DOCK1: variants seen among roughly 807,000 people sequenced by gnomAD.
DOCK1 encodes the protein dedicator of cytokinesis 1, also known as dedicator of cytokinesis protein 1.
DOCK1 carries 138 observed loss-of-function variants against 262.7 expected under a neutral mutation model. The ratio of observed to expected loss-of-function variants is 0.53; its 90% CI spans 0.46 to 0.61. The LOEUF (loss-of-function observed/expected upper bound fraction) is 0.61. Ranked by LOEUF, DOCK1 falls within the 20% of genes least tolerant of loss-of-function variation. The pLI is 0.00. For synonymous variants in DOCK1, 866 were observed against 867.4 expected (o/e 1.00, Z 0.03); for missense variants, 1,908 against 2,370.7 (o/e 0.80, Z 4.05).
At chr10:127,336,910 G>A (rs548874015) in intron 29 of DOCK1, among the ~76,000 whole-genome samples, 12 of 152,084 alleles carry the variant, frequency 7.9e-5, no homozygotes, top group East Asian at 5.8e-4. Flanking sequence ...AGCTTAATTC[G>A]AAGCAGCATA....
At chr10:127,091,317 C>T (rs960394448) in intron 23 of DOCK1, among the ~76,000 whole-genome samples, 3 of 152,124 alleles carry the variant, frequency 2.0e-5, no homozygotes, top group South Asian at 4.1e-4. Context: ...GGGTATACAT[C>T]GAGGAGTGAA....
intron 29 of DOCK1, among the ~76,000 whole-genome samples, chr10:127,284,202 C>T (rs2061065968): frequency 6.6e-6 from 1 of 152,106 alleles, no homozygotes; most frequent in African/African-American, 2.4e-5. Flanking sequence ...TTATACTATG[C>T]TCATAGTAAC....
chr10:126,989,060 G>A (rs1344273602), intron 5 of DOCK1, among the ~76,000 whole-genome samples: 2 of 133,936 alleles, frequency 1.5e-5, no homozygotes, highest in South Asian at 2.6e-4. Context: ...GTAACAGAGC[G>A]AGACCCCTTC....
Position 127,032,128 on chromosome 10 carries a change from A to C in DOCK1, c.1729-9A>C, listed in dbSNP as rs1360830145. 6.3e-7 allele frequency: 1 copy of C among 1,581,252 alleles called. No individual in the cohort carries two copies. The highest frequency in any genetic ancestry group is 8.6e-7 in the Non-Finnish European group (1 of 1,163,412). The stretch of plus-strand genomic sequence containing the variant: ...TTGCCTTTGACATACGGCATGACTA[A>C]ATCCACAGGCCGAAGCAAAGAAGCT... On this transcript the variant is annotated splice_polypyrimidine_tract_variant and intron_variant, in intron 17 of 51. Coordinates refer to ENST00000623213, the MANE Select transcript of DOCK1 (RefSeq NM_001290223.2).
At chr10:126,936,746 G>A (rs2034584439) in intron 1 of DOCK1, among the ~76,000 whole-genome samples, 2 of 152,186 alleles carry the variant, frequency 1.3e-5, no homozygotes, top group African/African-American at 4.8e-5. Flanking sequence ...TGGTGAACAT[G>A]TGTGCTTACT....
intron 27 of DOCK1, among the ~76,000 whole-genome samples, chr10:127,243,752 G>C (rs1023593650): frequency 6.6e-6 from 1 of 152,082 alleles, no homozygotes; most frequent in South Asian, 2.1e-4. Flanking sequence ...TTTAAGACAG[G>C]AGCTTAAGAA....
chr10:127,418,640 A>C (rs2068304245), intron 45 of DOCK1, 99 bp downstream of exon 45: 1 of 1,410,150 alleles, frequency 7.1e-7, no homozygotes, highest in Non-Finnish European at 9.4e-7. Flanking sequence ...CCCTGGTCTC[A>C]TTGAGCAATC....
At chr10:127,241,459 G>T (rs1055546158) in intron 27 of DOCK1, among the ~76,000 whole-genome samples, 1 of 151,896 alleles carries the variant, frequency 6.6e-6, no homozygotes, top group Non-Finnish European at 1.5e-5. Flanking sequence ...TTTTTCACAA[G>T]GCCCAGTACT....
intron 1 of DOCK1, among the ~76,000 whole-genome samples, chr10:126,944,617 C>T (rs955341759): frequency 1.2e-4 from 18 of 151,856 alleles, no homozygotes; most frequent in Non-Finnish European, 2.5e-4. Context: ...GACACCAAGC[C>T]TGAGGAGGAA....
chr10:127,137,499 G>A (rs546285254), intron 27 of DOCK1: 2 of 227,076 alleles, frequency 8.8e-6, no homozygotes, highest in South Asian at 1.4e-4. Flanking sequence ...GCTGTGTACA[G>A]GGTGACAGCC....
chr10:127,300,555 GC>G (rs1310630473), intron 29 of DOCK1, among the ~76,000 whole-genome samples: 3 of 152,152 alleles, frequency 2.0e-5, no homozygotes, highest in Non-Finnish European at 4.4e-5. Context: ...AAGAGATATC[GC>G]CCTCCCTTTT....
intron 47 of DOCK1, among the ~76,000 whole-genome samples, chr10:127,432,636 T>G (rs753043450): frequency 5.3e-5 from 8 of 152,138 alleles, no homozygotes; most frequent in Admixed American, 2.6e-4. Context: ...TTCTGTAATA[T>G]GTCAAGAAGA....
At chr10:126,988,385 TC>T (rs889125310) in intron 5 of DOCK1, 1 of 152,214 alleles carries the variant, frequency 6.6e-6, no homozygotes, top group African/African-American at 2.4e-5. Flanking sequence ...ATAGAAAACT[TC>T]CTAAAGTCCT....
intron 27 of DOCK1, among the ~76,000 whole-genome samples, chr10:127,189,135 A>C (rs2056537140): frequency 6.6e-6 from 1 of 152,220 alleles, no homozygotes; most frequent in African/African-American, 2.4e-5. Flanking sequence ...ACGAGACACA[A>C]GCTTGAGAAT....
chr10:127,149,684 T>C (rs2052294175), intron 27 of DOCK1, among the ~76,000 whole-genome samples: 1 of 138,660 alleles, frequency 7.2e-6, no homozygotes, highest in African/African-American at 2.5e-5. Flanking sequence ...CCAGGGCTTT[T>C]GGCCTTCCAG....
At chr10:127,157,838 A>G (rs2053230847) in intron 27 of DOCK1, among the ~76,000 whole-genome samples, 1 of 152,228 alleles carries the variant, frequency 6.6e-6, no homozygotes, top group Admixed American at 6.5e-5. Flanking sequence ...GAGTCCATGA[A>G]TGTCAGCAGG....
At chr10:127,404,226 T>A in intron 39 of DOCK1, 99 bp from the exon 40 acceptor site, 1 of 910,584 alleles carries the variant, frequency 1.1e-6, no homozygotes, top group Non-Finnish European at 1.7e-6. Context: ...TCCCACCCTA[T>A]AGAAGTTGCC....
chr10:127,304,039 A>G (rs1312845212), intron 29 of DOCK1, among the ~76,000 whole-genome samples: 4 of 152,172 alleles, frequency 2.6e-5, no homozygotes, highest in Admixed American at 6.5e-5. Context: ...GATTTTAACA[A>G]TTTGCTGGGA....
At chr10:127,343,552 G>A (rs2063514398) in intron 30 of DOCK1, 94 bp from the exon 31 acceptor site, 1 of 1,002,792 alleles carries the variant, frequency 1.0e-6, no homozygotes. Context: ...TTTCAGAAGT[G>A]TGTGCTGAGC....
Sources: gnomAD v4.1 joint callset for allele counts (sites outside exome capture counted in the v4.1 genomes callset) on GRCh38, gnomAD v4.1.1 for gene constraint, MANE v1.5 for transcripts, NCBI Gene and HGNC (gene_info 2026-07-23, HGNC 2026-07-21) for gene names.